The following SCLT1 variants were observed in gnomAD, a reference collection of about 807,000 sequenced individuals.
The protein encoded by SCLT1 is sodium channel and clathrin linker 1.
SCLT1 carries 78 observed loss-of-function variants against 112.8 expected under a neutral mutation model. That is an observed-to-expected ratio of 0.69 (90% CI 0.58 to 0.83). The LOEUF is 0.83. SCLT1 is among the 40% of genes least tolerant of loss of function. The probability of loss-of-function intolerance (pLI) is 0.00; values close to 1 mark genes in which losing one functional copy is unlikely to be tolerated. For synonymous variants in SCLT1, 257 were observed against 254.7 expected, an observed-to-expected ratio of 1.01 and a Z score of -0.09; for missense variants, 747 against 770.4, an observed-to-expected ratio of 0.97 and a Z score of 0.36.
intron 1 of SCLT1, among the ~76,000 whole-genome samples, chr4:129,083,516 G>A (rs1299487318): frequency 6.6e-6 from 1 of 151,602 alleles, no homozygotes; most frequent in Non-Finnish European, 1.5e-5. Context: ...TTTTGGCCAG[G>A]CATGGTAGCT....
rs1733286901 is a variant in SCLT1, at chr4:128,891,208, T to C, written c.1830-71A>G. Reference sequence around the variant, plus strand: ...GAAAACAGAATCTTTATTAGCAAGATACATGTTCATGATTTGAACAAAAAT... The same window carrying C: ...GAAAACAGAATCTTTATTAGCAAGACACATGTTCATGATTTGAACAAAAAT... On this transcript the variant is annotated intron_variant, in intron 18 of 20. Coordinates refer to ENST00000281142, the MANE Select transcript of SCLT1 (RefSeq NM_144643.4). The C allele has an allele frequency of 1.7e-5, 20 of 1,154,674 alleles. No individual in the cohort carries two copies. The East Asian group carries it at 4.3e-4, about 25-fold the overall frequency. 71.5% of individuals were successfully genotyped at this position (1,154,674 alleles called of 1,614,324 possible). A position where few individuals can be genotyped will look rare whatever the true frequency, so the allele number is the denominator to read the frequency against.
At chr4:128,894,327 C>T (rs534228931) in intron 18 of SCLT1, among the ~76,000 whole-genome samples, 1 of 151,170 alleles carries the variant, frequency 6.6e-6, no homozygotes, top group African/African-American at 2.4e-5. Context: ...TATACTGCAA[C>T]ATGGCAGGCA....
chr4:129,030,779 T>C (rs1221020229), intron 5 of SCLT1, among the ~76,000 whole-genome samples: 2 of 152,090 alleles, frequency 1.3e-5, no homozygotes, highest in Non-Finnish European at 2.9e-5. Context: ...AATCCTTGAA[T>C]AGACCAAAAA....
At chr4:128,998,814 A>C (rs1444367016) in intron 7 of SCLT1, among the ~76,000 whole-genome samples, 1 of 151,892 alleles carries the variant, frequency 6.6e-6, no homozygotes, top group African/African-American at 2.4e-5. Flanking sequence ...CTTTAGGTAG[A>C]TATTTCTAAT....
At chr4:128,953,795 T>C (rs1451724209) in intron 13 of SCLT1, among the ~76,000 whole-genome samples, 10 of 138,962 alleles carry the variant, frequency 7.2e-5, no homozygotes, top group Non-Finnish European at 1.4e-4. Flanking sequence ...TGAGACTCCA[T>C]CTCAAAAAAA....
At position 128,945,998 on chromosome 4, in the gene SCLT1, A is replaced by G; in HGVS notation, c.1439+9T>C. 2 of 1,585,466 alleles carry G rather than the reference A, an allele frequency of 1.3e-6. No individual in the cohort carries two copies. Among genetic ancestry groups the G allele is most frequent in the Non-Finnish European group, 1.7e-6 (2 of 1,162,594 alleles). On this transcript the variant is annotated intron_variant, in intron 16 of 20. Coordinates refer to ENST00000281142, the MANE Select transcript of SCLT1 (RefSeq NM_144643.4). ...ATGTTATCATAGAAAATCCAAAAGA[A>G]AAACTTACTCAGTTTCAAGTTGTTT...
At chr4:128,882,826 G>A (rs1158279036), downstream of SCLT1, among the ~76,000 whole-genome samples, 4 of 152,224 alleles carry the variant, frequency 2.6e-5, no homozygotes, top group Non-Finnish European at 4.4e-5. Context: ...TATTTGAGTA[G>A]AGATCTGAAA....
chr4:129,045,132 T>C (rs1748067967), intron 2 of SCLT1, among the ~76,000 whole-genome samples: 1 of 152,016 alleles, frequency 6.6e-6, no homozygotes, highest in South Asian at 2.1e-4. Context: ...GTTGTTAAAA[T>C]TTTAACAATT....
In SCLT1 at chr4:128,902,254, CT is replaced by C. The variant is rs1294280239; in HGVS notation, c.1830-11118del. ...TTTAGTTTCCACAGTATCTACCACG[CT>C]GCTTTACAAATCCAAATGGAGTCAT... On this transcript the variant is annotated intron_variant, in intron 18 of 20. Transcript: ENST00000281142. 2.6e-5 allele frequency among the ~76,000 whole-genome samples: 4 copies of C among 152,270 alleles called. No individual in the cohort carries two copies. The East Asian group carries it at 7.7e-4, about 29-fold the overall frequency.
chr4:128,954,985 T>A (rs1253500563), intron 13 of SCLT1, among the ~76,000 whole-genome samples: 1 of 152,176 alleles, frequency 6.6e-6, no homozygotes, highest in Non-Finnish European at 1.5e-5. Context: ...TTTATGTCAA[T>A]AAGAGGGTAC....
Position 128,950,099 on chromosome 4 carries a change from T to C in SCLT1, c.1219-1529A>G, listed in dbSNP as rs73850064. Among the ~76,000 whole-genome samples the C allele has an allele frequency of 3.8e-3, 571 of 152,260 alleles. 1 individual carries two copies. Among genetic ancestry groups the C allele is most frequent in the African/African-American group, 0.011 (472 of 41,560 alleles). ...TTATTAAGATAGAACCCTGAGTGTATACAAAATGCAACATTAATATTCCAC... is the reference window on the plus strand; with the variant it reads ...TTATTAAGATAGAACCCTGAGTGTACACAAAATGCAACATTAATATTCCAC... On this transcript the variant is annotated intron_variant, in intron 14 of 20. Coordinates refer to ENST00000281142, the MANE Select transcript of SCLT1 (RefSeq NM_144643.4).
intron 18 of SCLT1, 110 bp downstream of exon 18, chr4:128,936,545 G>T: frequency 1.9e-6 from 1 of 539,294 alleles, no homozygotes. Context: ...GAAGAAAAAG[G>T]TAAGGTCCAG....
chr4:128,913,741 A>G (rs189056580), intron 18 of SCLT1, among the ~76,000 whole-genome samples: 1 of 152,320 alleles, frequency 6.6e-6, no homozygotes, highest in African/African-American at 2.4e-5. Flanking sequence ...AAATACATAC[A>G]GTGCCTATTG....
chr4:129,039,264 C>T lies in SCLT1; in HGVS notation c.235-168G>A. ...TTAATATGGATAATTTACTAATAAA[C>T]AGAACACAATAAAACATTCATTTTA... On this transcript the variant is annotated intron_variant, in intron 4 of 20. Transcript: ENST00000281142. 9 of 533,906 alleles carry T rather than the reference C, an allele frequency of 1.7e-5. No individual in the cohort carries two copies. In the South Asian group the frequency reaches 2.4e-4, roughly 14 times the overall value. 33.1% of individuals were successfully genotyped at this position (533,906 alleles called of 1,614,324 possible).
chr4:129,007,440 G>C (rs1489741514), intron 5 of SCLT1, among the ~76,000 whole-genome samples: 1 of 151,998 alleles, frequency 6.6e-6, no homozygotes, highest in Non-Finnish European at 1.5e-5. Context: ...TACACATTCA[G>C]AACTGTCATA....
At chr4:128,898,451 A>G (rs13107498) in intron 18 of SCLT1, among the ~76,000 whole-genome samples, 34,475 of 151,920 alleles carry the variant, frequency 0.23, 4,167 homozygotes, top group Middle Eastern at 0.36. Context: ...TGAAGGCAGA[A>G]ATAAAGATGT....
intron 2 of SCLT1, among the ~76,000 whole-genome samples, chr4:129,064,370 T>C (rs1750281682): frequency 1.3e-5 from 2 of 152,160 alleles, no homozygotes; most frequent in Admixed American, 6.6e-5. Context: ...TTATGGACCA[T>C]GCTTGTGATA....
At chr4:129,027,448 C>A (rs544621261) in intron 5 of SCLT1, among the ~76,000 whole-genome samples, 2 of 152,224 alleles carry the variant, frequency 1.3e-5, no homozygotes, top group South Asian at 2.1e-4. Context: ...TCAATAGATG[C>A]GGAAAAGGCC....
chr4:129,015,972 C>G lies in SCLT1; in HGVS notation c.291-12096G>C, dbSNP rs565596654. Among the ~76,000 whole-genome samples, 4 of 152,296 alleles carry G rather than the reference C, an allele frequency of 2.6e-5. No homozygotes were observed. In the South Asian group the frequency reaches 8.3e-4, roughly 32 times the overall value. ...TTATATTTTCTATCTTCTTGTCTCT[C>G]TGCTTCTTACTGATATTCAGTTAAA... On this transcript the variant is annotated intron_variant, in intron 5 of 20. Transcript: ENST00000281142.
Sources: allele counts gnomAD v4.1 joint callset (sites outside exome capture counted in the v4.1 genomes callset), GRCh38; gene constraint gnomAD v4.1.1; transcripts MANE v1.5; gene names NCBI Gene and HGNC (gene_info 2026-07-23, HGNC 2026-07-21).